HTR4: variants seen among roughly 807,000 people sequenced by gnomAD.
HTR4 encodes 5-hydroxytryptamine (serotonin) receptor 4, G protein-coupled.
In HTR4, 16 loss-of-function variants were observed where a neutral mutation model predicts 36.8. The observed-to-expected ratio is 0.43, with a 90% CI of 0.29 to 0.66. HTR4 has a LOEUF of 0.66. Ranked by LOEUF, HTR4 falls within the 30% of genes least tolerant of loss-of-function variation. The probability of loss-of-function intolerance (pLI) is 0.13; values close to 1 mark genes in which losing one functional copy is unlikely to be tolerated. For missense variants in HTR4, 438 were observed against 490.9 expected (o/e 0.89, Z 1.02); for synonymous variants, 189 against 185.1 (o/e 1.02, Z -0.17).
intron 2 of HTR4, among the ~76,000 whole-genome samples, chr5:148,578,626 G>A (rs903704667): frequency 1.3e-5 from 2 of 152,064 alleles, no homozygotes; most frequent in Non-Finnish European, 2.9e-5. Flanking sequence ...AGTCTTTAGA[G>A]ACAAACTGCC....
At chr5:148,533,110 G>T (rs1561601918) in intron 4 of HTR4, among the ~76,000 whole-genome samples, 1 of 152,226 alleles carries the variant, frequency 6.6e-6, no homozygotes, top group Non-Finnish European at 1.5e-5. Flanking sequence ...TCATATGCTA[G>T]GTAGACAGTG....
intron 2 of HTR4, among the ~76,000 whole-genome samples, chr5:148,626,545 C>T (rs906974998): frequency 1.3e-5 from 2 of 152,210 alleles, no homozygotes; most frequent in African/African-American, 2.4e-5. Context: ...GTATGTCCCA[C>T]TTTACCAATG....
intron 6 of HTR4, among the ~76,000 whole-genome samples, chr5:148,503,674 G>C (rs142352439): frequency 1.3e-5 from 2 of 152,004 alleles, no homozygotes; most frequent in Non-Finnish European, 2.9e-5. Flanking sequence ...GGCTAAATGC[G>C]CCAATTAAAA....
At chr5:148,614,965 T>A (rs1207520303) in intron 2 of HTR4, among the ~76,000 whole-genome samples, 1 of 151,906 alleles carries the variant, frequency 6.6e-6, no homozygotes, top group African/African-American at 2.4e-5. Flanking sequence ...GAAATGCAAA[T>A]CAAAACCACA....
chr5:148,586,446 A>AT (rs1386351896), intron 2 of HTR4, among the ~76,000 whole-genome samples: 1 of 152,010 alleles, frequency 6.6e-6, no homozygotes, highest in East Asian at 1.9e-4. Flanking sequence ...AAACAGGAGT[A>AT]TATTAGTCCA....
intron 1 of HTR4, among the ~76,000 whole-genome samples, chr5:148,653,141 G>T (rs923384252): frequency 3.3e-5 from 5 of 152,188 alleles, no homozygotes; most frequent in African/African-American, 7.2e-5. Context: ...AAGGGCCAGA[G>T]AATCCATCCC....
At chr5:148,521,082 T>C in intron 5 of HTR4, 1 of 1,260,754 alleles carries the variant, frequency 7.9e-7, no homozygotes, top group South Asian at 1.2e-5. Flanking sequence ...ACTTCCCACA[T>C]CTCGATGTAT....
At chr5:148,476,901 G>A (rs1480167097), downstream of HTR4, among the ~76,000 whole-genome samples, 1 of 152,152 alleles carries the variant, frequency 6.6e-6, no homozygotes, top group Non-Finnish European at 1.5e-5. Flanking sequence ...GGTAGGAGGT[G>A]GTATTTGAAA....
chr5:148,482,578 A>C lies in HTR4; in HGVS notation c.*625T>G. 1.0e-6 allele frequency: 1 copy of C among 986,750 alleles called. No individual in the cohort carries two copies. The highest frequency in any genetic ancestry group is 1.2e-6 in the Non-Finnish European group (1 of 830,826). The allele number at this position is 986,750 out of a possible 1,614,324, so 61.1% of individuals were successfully genotyped here. ...AGGACAGACATTGGACATAAGGAAG[A>C]GCAAGTGGACGTCTGGGACTGACAA... is the stretch of plus-strand genomic sequence containing the variant. On this transcript the variant is annotated 3_prime_UTR_variant, in exon 7 of 7. Transcript: ENST00000377888.
chr5:148,566,850 T>C (rs1027758658), intron 2 of HTR4, among the ~76,000 whole-genome samples: 3 of 152,088 alleles, frequency 2.0e-5, no homozygotes, highest in Admixed American at 6.6e-5. Flanking sequence ...AAAATGGTTA[T>C]CTCTAGGTGA....
chr5:148,578,412 T>C (rs564801077), intron 2 of HTR4, among the ~76,000 whole-genome samples: 11 of 152,232 alleles, frequency 7.2e-5, no homozygotes, highest in African/African-American at 2.6e-4. Context: ...TGTTAGTTAT[T>C]AGTTCTTTTC....
chr5:148,544,229 T>G (rs1759258200), intron 4 of HTR4, among the ~76,000 whole-genome samples: 1 of 152,022 alleles, frequency 6.6e-6, no homozygotes, highest in South Asian at 2.1e-4. Context: ...TTCATGATCT[T>G]TCTTTTTCAT....
chr5:148,470,036 T>C (rs1349133804), intron 5 of HTR4, among the ~76,000 whole-genome samples: 2 of 152,208 alleles, frequency 1.3e-5, no homozygotes, highest in Non-Finnish European at 2.9e-5. Context: ...TTGAAAATTA[T>C]AATGATGATA....
chr5:148,540,344 T>C (rs1759043301), intron 4 of HTR4, among the ~76,000 whole-genome samples: 1 of 141,138 alleles, frequency 7.1e-6, no homozygotes, highest in Non-Finnish European at 1.5e-5. Flanking sequence ...ATATAACAAA[T>C]CTTCAAATAT....
rs990785489 is a variant in HTR4 at position 148,594,018 on chromosome 5, C to T, written c.26+42971G>A. On this transcript the variant is annotated intron_variant, in intron 2 of 6. Transcript: ENST00000377888. ...ACAAAAATTGTTATTCTTTATTATACGTCATTATACTAAGCATATTTACTA... is the reference window on the plus strand; with the variant it reads ...ACAAAAATTGTTATTCTTTATTATATGTCATTATACTAAGCATATTTACTA... Among the ~76,000 whole-genome samples the T allele has an allele frequency of 2.0e-5, 3 of 152,068 alleles. No individual in the cohort carries two copies. The South Asian group carries it at 6.2e-4, about 32-fold the overall frequency.
chr5:148,628,382 CAT>C (rs1190474203), intron 2 of HTR4: 1 of 152,178 alleles, frequency 6.6e-6, no homozygotes, highest in Non-Finnish European at 1.5e-5. Context: ...AGATAGGTCA[CAT>C]GTTTGGAGAA....
intron 5 of HTR4, chr5:148,520,935 TGGCCCA>T (rs1271053939): frequency 2.9e-6 from 4 of 1,367,836 alleles, no homozygotes; most frequent in Non-Finnish European, 2.9e-6. Flanking sequence ...ATGAAAATCC[TGGCCCA>T]GGCCTTGGTT....
At chr5:148,510,471 T>TG (rs1757445615) in intron 5 of HTR4, among the ~76,000 whole-genome samples, 1 of 152,210 alleles carries the variant, frequency 6.6e-6, no homozygotes, top group Non-Finnish European at 1.5e-5. Flanking sequence ...CAGATCAGTC[T>TG]CTTAACAGAA....
intron 2 of HTR4, among the ~76,000 whole-genome samples, chr5:148,605,488 C>A (rs183671053): frequency 4.5e-4 from 69 of 151,788 alleles, no homozygotes; most frequent in African/African-American, 1.6e-3. Flanking sequence ...GAACTCCTGA[C>A]CTCAGGTGAT....
Sources: allele counts gnomAD v4.1 joint callset (sites outside exome capture counted in the v4.1 genomes callset), GRCh38; gene constraint gnomAD v4.1.1; transcripts MANE v1.5; gene names NCBI Gene and HGNC (gene_info 2026-07-23, HGNC 2026-07-21).